Variants in RNLS observed in about 807,000 individuals in gnomAD.
The protein encoded by RNLS is renalase.
RNLS carries 39 observed loss-of-function variants against 39.8 expected under a neutral mutation model. The ratio of observed to expected loss-of-function variants is 0.98; its 90% CI spans 0.76 to 1.28. The LOEUF (loss-of-function observed/expected upper bound fraction) is 1.28. RNLS is among the 50% of genes most tolerant of loss of function. The pLI is 0.00. For missense variants in RNLS, 410 were observed against 413.3 expected (o/e 0.99, Z 0.07); for synonymous variants, 147 against 150.7 (o/e 0.98, Z 0.18).
At chr10:88,317,693 T>C (rs1229655816) in intron 5 of RNLS, among the ~76,000 whole-genome samples, 1 of 152,208 alleles carries the variant, frequency 6.6e-6, no homozygotes, top group African/African-American at 2.4e-5. Flanking sequence ...GATGCCTGTC[T>C]AGTGACATCA....
intron 4 of RNLS, among the ~76,000 whole-genome samples, chr10:88,451,879 T>C (rs977813140): frequency 3.9e-5 from 6 of 152,220 alleles, no homozygotes; most frequent in African/African-American, 1.4e-4. Flanking sequence ...GTTGACACCA[T>C]GGCAACTAGT....
At chr10:88,441,520 T>C (rs1439052917) in intron 4 of RNLS, among the ~76,000 whole-genome samples, 2 of 152,320 alleles carry the variant, frequency 1.3e-5, no homozygotes, top group Non-Finnish European at 2.9e-5. Flanking sequence ...CTGACCTCTC[T>C]ATACAGAGTA....
chr10:88,379,114 C>T (rs548547185), intron 4 of RNLS, among the ~76,000 whole-genome samples: 6 of 152,262 alleles, frequency 3.9e-5, no homozygotes, highest in East Asian at 1.9e-4. Flanking sequence ...TACAACATCA[C>T]GAGGTCATAG....
intron 6 of RNLS, among the ~76,000 whole-genome samples, chr10:88,309,922 T>C (rs533643211): frequency 6.6e-6 from 1 of 152,304 alleles, no homozygotes; most frequent in Non-Finnish European, 1.5e-5. Context: ...TTATTTTAAA[T>C]ACTGTTTGCG....
chr10:88,494,932 C>G (rs1376572032), intron 4 of RNLS, among the ~76,000 whole-genome samples: 2 of 152,174 alleles, frequency 1.3e-5, no homozygotes, highest in African/African-American at 4.8e-5. Context: ...CAACATTCAA[C>G]TACTGCCACT....
intron 6 of RNLS, among the ~76,000 whole-genome samples, chr10:88,287,412 A>C (rs1245016199): frequency 6.6e-6 from 1 of 152,176 alleles, no homozygotes; most frequent in Non-Finnish European, 1.5e-5. Context: ...GTGATCAATT[A>C]GAGCTTTTAA....
At chr10:88,446,614 A>T (rs190284261) in intron 4 of RNLS, among the ~76,000 whole-genome samples, 1 of 152,170 alleles carries the variant, frequency 6.6e-6, no homozygotes, top group Non-Finnish European at 1.5e-5. Flanking sequence ...TAGATGCAAT[A>T]AAAATGATAA....
chr10:88,359,757 T>C (rs1251181084), intron 5 of RNLS, among the ~76,000 whole-genome samples: 1 of 152,246 alleles, frequency 6.6e-6, no homozygotes, highest in African/African-American at 2.4e-5. Context: ...TTTTATGTTG[T>C]ACTCTTTCAA....
chr10:88,414,633 C>T (rs1200546191), intron 4 of RNLS, among the ~76,000 whole-genome samples: 2 of 152,168 alleles, frequency 1.3e-5, no homozygotes, highest in Non-Finnish European at 2.9e-5. Context: ...AATGTGGCCA[C>T]TGGCAACCTT....
chr10:88,375,831 G>A (rs1295715473), intron 4 of RNLS, among the ~76,000 whole-genome samples: 1 of 152,106 alleles, frequency 6.6e-6, no homozygotes. Flanking sequence ...ATGTATGCAT[G>A]GGAGTCCCAT....
the RNLS span, among the ~76,000 whole-genome samples, chr10:88,188,206 GC>G: frequency 6.6e-6 from 1 of 152,098 alleles, no homozygotes; most frequent in African/African-American, 2.4e-5. Flanking sequence ...ACAAGTGTGG[GC>G]CACCACACCC....
At chr10:88,571,742 T>A (rs1030307906) in intron 4 of RNLS, among the ~76,000 whole-genome samples, 4 of 152,236 alleles carry the variant, frequency 2.6e-5, no homozygotes, top group Admixed American at 2.6e-4. Context: ...GAATTTTAGC[T>A]TTCAGACTCC....
chr10:88,269,543 G>A (rs1564652388), downstream of RNLS, among the ~76,000 whole-genome samples: 1 of 152,166 alleles, frequency 6.6e-6, no homozygotes, highest in African/African-American at 2.4e-5. Context: ...TGAAACAGGA[G>A]GCTCTGGGTT....
chr10:88,288,311 C>G (rs1843424831), intron 6 of RNLS, among the ~76,000 whole-genome samples: 1 of 152,024 alleles, frequency 6.6e-6, no homozygotes, highest in Admixed American at 6.6e-5. Context: ...GATAAAGAAA[C>G]AGGGATTCGA....
At position 88,309,467 on chromosome 10, in the gene RNLS, C is replaced by T. The variant is rs921371092; in HGVS notation, c.876+4999G>A. ...CTGTGTGCACATCCACTTCCCCCACCAAACAAAATCTGTAAGAAAAATTCT... is the reference window on the plus strand; with the variant it reads ...CTGTGTGCACATCCACTTCCCCCACTAAACAAAATCTGTAAGAAAAATTCT... On this transcript the variant is annotated intron_variant, in intron 6 of 6. Transcript: ENST00000331772. 49 of 1,289,530 alleles carry T rather than the reference C, an allele frequency of 3.8e-5. No homozygotes were observed. The Middle Eastern group carries it at 8.5e-4, about 22-fold the overall frequency. 79.9% of individuals were successfully genotyped at this position (1,289,530 alleles called of 1,614,324 possible). A position where few individuals can be genotyped will look rare whatever the true frequency, so the allele number is the denominator to read the frequency against.
chr10:88,501,093 CATT>C (rs1479815767), intron 4 of RNLS, among the ~76,000 whole-genome samples: 1 of 151,424 alleles, frequency 6.6e-6, no homozygotes, highest in East Asian at 1.9e-4. Context: ...ATAAGTCAGC[CATT>C]ATTATTATTT....
At chr10:88,220,878 T>A in the RNLS span, among the ~76,000 whole-genome samples, 35 of 152,154 alleles carry the variant, frequency 2.3e-4, no homozygotes, top group Non-Finnish European at 4.1e-4. Flanking sequence ...CTTTTGTTTG[T>A]GATGAGGAAA....
At chr10:88,412,178 TAATTC>T (rs1359099281) in intron 4 of RNLS, among the ~76,000 whole-genome samples, 2 of 152,034 alleles carry the variant, frequency 1.3e-5, no homozygotes, top group Non-Finnish European at 2.9e-5. Flanking sequence ...GCCGCTGCAA[TAATTC>T]AGAGAGGAGG....
chr10:88,220,653 G>A, the RNLS span, among the ~76,000 whole-genome samples: 3 of 152,162 alleles, frequency 2.0e-5, no homozygotes, highest in African/African-American at 7.2e-5. Context: ...GGACTCCAGT[G>A]CATTTGTAAT....
Sources: allele counts gnomAD v4.1 joint callset (sites outside exome capture counted in the v4.1 genomes callset), GRCh38; gene constraint gnomAD v4.1.1; transcripts MANE v1.5; gene names NCBI Gene and HGNC (gene_info 2026-07-23, HGNC 2026-07-21).